Variants in RAPGEF1 observed in about 807,000 individuals in gnomAD.
The protein encoded by RAPGEF1 is CRK SH3-binding GNRP.
A neutral mutation model predicts 143.3 loss-of-function variants in RAPGEF1; 33 were observed. That is an observed-to-expected ratio of 0.23 (90% CI 0.17 to 0.31). The LOEUF (loss-of-function observed/expected upper bound fraction) is 0.31. Ranked by LOEUF, RAPGEF1 falls within the 10% of genes least tolerant of loss-of-function variation. The pLI, the probability that RAPGEF1 is intolerant of heterozygous loss-of-function variation, is 1.00. For synonymous variants in RAPGEF1, 629 were observed against 676.5 expected, an observed-to-expected ratio of 0.93 and a Z score of 1.09; for missense variants, 1,199 against 1,645.4, an observed-to-expected ratio of 0.73 and a Z score of 4.69.
intron 6 of RAPGEF1, 63 bp downstream of exon 6, chr9:131,630,173 T>C (rs1264986215): frequency 2.6e-6 from 4 of 1,527,410 alleles, no homozygotes; most frequent in Non-Finnish European, 3.6e-6. Context: ...GCCCTATCCT[T>C]GTCAAGTGCA....
chr9:131,616,299 G>A (rs769398130), intron 12 of RAPGEF1, among the ~76,000 whole-genome samples: 2 of 151,950 alleles, frequency 1.3e-5, no homozygotes, highest in Non-Finnish European at 2.9e-5. Context: ...AAGCCATGAC[G>A]CACTCAGACC....
rs1232735003 is a variant in RAPGEF1, at chr9:131,627,211, C to T, written c.1201+702G>A. 1.6e-4 allele frequency among the ~76,000 whole-genome samples: 9 copies of T among 55,154 alleles called. 1 individual carries two copies. The highest frequency in any genetic ancestry group is 8.6e-4 in the African/African-American group (9 of 10,520). 36.2% of individuals were successfully genotyped at this position (55,154 alleles called of 152,430 possible). On this transcript the variant is annotated intron_variant, in intron 9 of 26. Transcript: ENST00000683357. ...CCTGGGTGACAGAGTGAGGCTCTGT[C>T]TCAAAAAAAAAAAAAAAAAAAAAAA... is the stretch of plus-strand genomic sequence containing the variant.
At chr9:131,648,243 T>C (rs1970184088) in intron 3 of RAPGEF1, among the ~76,000 whole-genome samples, 1 of 151,926 alleles carries the variant, frequency 6.6e-6, no homozygotes, top group Admixed American at 6.6e-5. Flanking sequence ...ATACAAAAAT[T>C]AGCCAGGCGT....
At chr9:131,591,501 C>A (rs1180929492) in intron 18 of RAPGEF1, among the ~76,000 whole-genome samples, 3 of 152,130 alleles carry the variant, frequency 2.0e-5, no homozygotes, top group African/African-American at 7.2e-5. Flanking sequence ...CCTTCCAAAC[C>A]CCTGGGGTCC....
In RAPGEF1 at chr9:131,694,773, C is replaced by T. The variant is rs141930791; in HGVS notation, c.62-43824G>A. The stretch of plus-strand genomic sequence containing the variant: ...TGATGCCCCCTTATCCTCCTTCCTA[C>T]AGCACTCATCACCTTCACACTTTCT... On this transcript the variant is annotated intron_variant, in intron 1 of 26. Transcript: ENST00000683357. 7.3e-5 allele frequency among the ~76,000 whole-genome samples: 11 copies of T among 151,244 alleles called. No homozygotes were observed. The East Asian group carries it at 2.1e-3, about 30-fold the overall frequency.
intron 1 of RAPGEF1, among the ~76,000 whole-genome samples, chr9:131,729,505 A>T (rs1219140985): frequency 6.6e-6 from 1 of 152,256 alleles, no homozygotes; most frequent in Non-Finnish European, 1.5e-5. Context: ...GCTTCTTCAT[A>T]AATCTGTAGG....
intron 15 of RAPGEF1, among the ~76,000 whole-genome samples, chr9:131,599,312 A>C (rs1955863617): frequency 2.0e-5 from 3 of 150,798 alleles, no homozygotes; most frequent in Non-Finnish European, 4.4e-5. Context: ...TGTAGGGATG[A>C]GGTCTCACTA....
At chr9:131,727,773 A>G (rs1012747669) in intron 1 of RAPGEF1, among the ~76,000 whole-genome samples, 8 of 150,636 alleles carry the variant, frequency 5.3e-5, no homozygotes, top group African/African-American at 2.0e-4. Flanking sequence ...ACAACCTTGC[A>G]TATTTAGGGT....
At chr9:131,716,315 C>T (rs1176752528) in intron 1 of RAPGEF1, among the ~76,000 whole-genome samples, 1 of 152,232 alleles carries the variant, frequency 6.6e-6, no homozygotes, top group Non-Finnish European at 1.5e-5. Context: ...GAAGGGCAAT[C>T]AGGGCTCAGC....
chr9:131,721,069 C>T (rs923549716), intron 1 of RAPGEF1, among the ~76,000 whole-genome samples: 7 of 152,130 alleles, frequency 4.6e-5, no homozygotes, highest in South Asian at 4.2e-4. Flanking sequence ...CATGGGAGAA[C>T]GGAGCCCCAG....
At chr9:131,599,071 A>T (rs996793383) in intron 15 of RAPGEF1, among the ~76,000 whole-genome samples, 1 of 151,054 alleles carries the variant, frequency 6.6e-6, no homozygotes, top group Non-Finnish European at 1.5e-5. Context: ...GATCTGCCCA[A>T]TTCGGCTTCC....
At chr9:131,690,684 T>C (rs933675457) in intron 1 of RAPGEF1, among the ~76,000 whole-genome samples, 6 of 152,112 alleles carry the variant, frequency 3.9e-5, no homozygotes, top group Admixed American at 2.6e-4. Context: ...ACACCTGCTG[T>C]CCCAGCTACT....
intron 1 of RAPGEF1, among the ~76,000 whole-genome samples, chr9:131,700,096 C>T (rs1170772730): frequency 6.6e-6 from 1 of 152,152 alleles, no homozygotes; most frequent in Non-Finnish European, 1.5e-5. Context: ...CAGGAGAAAA[C>T]CACTGGGGTC....
intron 1 of RAPGEF1, chr9:131,737,672 T>A (rs1225852378): frequency 1.6e-6 from 2 of 1,251,310 alleles, no homozygotes; most frequent in Non-Finnish European, 2.1e-6. Context: ...TTTCCTTTTT[T>A]TAAAAAAAGA....
chr9:131,724,901 C>A (rs1836540748), intron 1 of RAPGEF1, among the ~76,000 whole-genome samples: 1 of 152,184 alleles, frequency 6.6e-6, no homozygotes, highest in Non-Finnish European at 1.5e-5. Context: ...CTGTTAATTC[C>A]ATCTGCCTTG....
Position 131,619,081 on chromosome 9 carries a change from G to A in RAPGEF1, c.2031C>T (p.Leu677=), listed in dbSNP as rs1443988792. ...GLSVSVSNSF[L]SRHGSLPVPS... is the part of the protein sequence containing the mutation. ...GCACGGGCAAGCTGCCGTGCCGGCT[G>A]AGAAAGGAGTTAGAGACGGACACAC... Residue 677 remains leucine, a synonymous_variant, in exon 12 of 27, where the codon CTC becomes CTT. Transcript: ENST00000683357. 1 of 1,358,374 alleles carries A rather than the reference G, an allele frequency of 7.4e-7. No homozygotes were observed. Among genetic ancestry groups the A allele is most frequent in the Non-Finnish European group, 9.8e-7 (1 of 1,018,644 alleles). The allele number at this position is 1,358,374 out of a possible 1,614,324, so 84.1% of individuals were successfully genotyped here.
intron 1 of RAPGEF1, among the ~76,000 whole-genome samples, chr9:131,739,370 C>T (rs1026977797): frequency 6.6e-5 from 10 of 152,232 alleles, no homozygotes; most frequent in African/African-American, 1.2e-4. Flanking sequence ...CATTTTACAG[C>T]TCAGCTGGGT....
intron 10 of RAPGEF1, among the ~76,000 whole-genome samples, chr9:131,624,801 G>C (rs1370807131): frequency 6.6e-6 from 1 of 152,264 alleles, no homozygotes; most frequent in East Asian, 1.9e-4. Context: ...ATACACGACA[G>C]ATGGGGATGA....
chr9:131,661,149 T>C (rs914146331), intron 1 of RAPGEF1, among the ~76,000 whole-genome samples: 2 of 152,114 alleles, frequency 1.3e-5, no homozygotes, highest in Non-Finnish European at 2.9e-5. Flanking sequence ...ATAACTCCAC[T>C]CCAAAGAACG....
Sources: gnomAD v4.1 joint callset for allele counts (sites outside exome capture counted in the v4.1 genomes callset) on GRCh38, gnomAD v4.1.1 for gene constraint, MANE v1.5 for transcripts, NCBI Gene and HGNC (gene_info 2026-07-23, HGNC 2026-07-21) for gene names.